GGNBP2: variants seen among roughly 807,000 people sequenced by gnomAD.
GGNBP2 encodes the protein gametogenetin binding protein 2.
A neutral mutation model predicts 85.9 loss-of-function variants in GGNBP2; 10 were observed. The ratio of observed to expected loss-of-function variants is 0.12; its 90% CI spans 0.07 to 0.20. The LOEUF is 0.20. Ranked by LOEUF, GGNBP2 falls within the 10% of genes least tolerant of loss-of-function variation. GGNBP2 has a pLI of 1.00. For missense variants in GGNBP2, 595 were observed against 857.8 expected (o/e 0.69, Z 3.83); for synonymous variants, 287 against 285.7 (o/e 1.00, Z -0.05).
intron 5 of GGNBP2, among the ~76,000 whole-genome samples, chr17:36,567,213 A>G (rs373348332): frequency 2.6e-5 from 4 of 152,058 alleles, no homozygotes; most frequent in African/African-American, 7.2e-5. Context: ...ATAACTACAG[A>G]TGTTGTTAAA....
At chr17:36,566,785 A>G (rs1408477037) in intron 5 of GGNBP2, among the ~76,000 whole-genome samples, 1 of 152,202 alleles carries the variant, frequency 6.6e-6, no homozygotes, top group African/African-American at 2.4e-5. Flanking sequence ...CACTGTAATT[A>G]ATCTATGACC....
intron 4 of GGNBP2, among the ~76,000 whole-genome samples, 156 bp from the exon 5 acceptor site, chr17:36,560,617 G>A (rs545824655): frequency 6.6e-6 from 1 of 151,906 alleles, no homozygotes; most frequent in African/African-American, 2.4e-5. Flanking sequence ...TTGAAATAAC[G>A]TGAGTGCCAG....
In GGNBP2 at chr17:36,581,543, T is replaced by C. The variant is rs1303098906; in HGVS notation, c.1215+5T>C. The C allele has an allele frequency of 3.8e-6, 6 of 1,587,626 alleles. No homozygotes were observed. The highest frequency in any genetic ancestry group is 5.2e-6 in the Non-Finnish European group (6 of 1,159,888). Reference sequence around the variant, plus strand: ...AAGGAAGTAAGCCAAGAGAAGGTAATATTTCTTAATATCAACTCTTAAGTG... The same window carrying C: ...AAGGAAGTAAGCCAAGAGAAGGTAACATTTCTTAATATCAACTCTTAAGTG... On this transcript the variant is annotated splice_donor_5th_base_variant and intron_variant, in intron 9 of 13. Transcript: ENST00000613102.
chr17:36,582,924 CA>C (rs1403753059), intron 9 of GGNBP2, among the ~76,000 whole-genome samples: 6 of 152,010 alleles, frequency 3.9e-5, no homozygotes, highest in African/African-American at 1.5e-4. Flanking sequence ...GCTACTCCTT[CA>C]AAAATAATGT....
intron 5 of GGNBP2, among the ~76,000 whole-genome samples, 173 bp from the exon 6 acceptor site, chr17:36,567,490 T>C (rs2074480039): frequency 6.6e-6 from 1 of 152,286 alleles, no homozygotes; most frequent in South Asian, 2.1e-4. Context: ...TAAGTACAGA[T>C]GAGAAATAGT....
At chr17:36,554,673 G>A (rs2074344540) in intron 2 of GGNBP2, 147 bp from the exon 3 acceptor site, 2 of 641,334 alleles carry the variant, frequency 3.1e-6, no homozygotes, top group Admixed American at 5.1e-5. Flanking sequence ...ACCGCACCAG[G>A]CCATGTACTT....
At chr17:36,565,904 A>G (rs1029342802) in intron 5 of GGNBP2, among the ~76,000 whole-genome samples, 13 of 152,190 alleles carry the variant, frequency 8.5e-5, no homozygotes, top group Non-Finnish European at 1.9e-4. Flanking sequence ...TCAAAAAGGA[A>G]ATATCAGAGT....
rs1316788313 is a variant in GGNBP2, at chr17:36,589,397, GC to G, written c.2081del (p.Ala694ValfsTer6). Reference sequence around the variant, plus strand: ...CATTTGTAGTGGCTGGTTGACAACGGCTGGAGCAAATTAAATAAATAAAATA... The same window carrying G: ...CATTTGTAGTGGCTGGTTGACAACGGTGGAGCAAATTAAATAAATAAAATA... ...RPICSGWLTTAGAN is the reference protein window; with the variant it reads ...RPICSGWLTTXGAN On this transcript the variant is annotated frameshift_variant, in exon 14 of 14. Transcript: ENST00000613102. LOFTEE classifies it high-confidence loss of function. 2 of 1,611,830 alleles carry G rather than the reference GC, an allele frequency of 1.2e-6. No homozygotes were observed. Among genetic ancestry groups the G allele is most frequent in the Admixed American group, 1.7e-5 (1 of 59,962 alleles).
chr17:36,589,489 T>TA lies in GGNBP2; in HGVS notation c.*79dup. On this transcript the variant is annotated 3_prime_UTR_variant, in exon 14 of 14. Transcript: ENST00000613102. Reference sequence around the variant, plus strand: ...CTTCTCTTTCGAAAAACTCTTAATTTAGTGACTTATGGCAAAATTTTATCT... The same window carrying TA: ...CTTCTCTTTCGAAAAACTCTTAATTTAAGTGACTTATGGCAAAATTTTATCT... 8.5e-7 allele frequency: 1 copy of TA among 1,177,452 alleles called. No homozygotes were observed. Among genetic ancestry groups the TA allele is most frequent in the Non-Finnish European group, 1.2e-6 (1 of 813,688 alleles). 72.9% of individuals were successfully genotyped at this position (1,177,452 alleles called of 1,614,324 possible).
intron 6 of GGNBP2, among the ~76,000 whole-genome samples, chr17:36,572,942 T>C (rs1389188387): frequency 3.3e-5 from 5 of 152,130 alleles, no homozygotes; most frequent in African/African-American, 1.2e-4. Flanking sequence ...TGAATTTTTG[T>C]GATTGGCTTA....
rs749848184 is a variant in GGNBP2 at position 36,586,136 on chromosome 17, G to A, written c.1579G>A (p.Asp527Asn). 1.2e-5 allele frequency: 20 copies of A among 1,613,772 alleles called. No homozygotes were observed. Among genetic ancestry groups the A allele is most frequent in the Non-Finnish European group, 1.6e-5 (19 of 1,179,932 alleles). ...ATGTTGGGCAAATTCTGAAGAGAACGACACAAAAGGAAAAAATAAAAAGAA... is the reference window on the plus strand; with the variant it reads ...ATGTTGGGCAAATTCTGAAGAGAACAACACAAAAGGAAAAAATAAAAAGAA... ...VECWANSEEN[D>N]TKGKNKKKKK... Residue 527 changes from aspartate to asparagine, a missense_variant, in exon 12 of 14, where the codon GAC (aspartate) becomes AAC (asparagine). Coordinates refer to ENST00000613102, the MANE Select transcript of GGNBP2 (RefSeq NM_024835.5).
At chr17:36,584,951 T>C (rs2074685741) in intron 9 of GGNBP2, among the ~76,000 whole-genome samples, 1 of 105,278 alleles carries the variant, frequency 9.5e-6, no homozygotes, top group East Asian at 2.6e-4. Context: ...GAGACCGTAC[T>C]CAAAAAAAAA....
intron 13 of GGNBP2, among the ~76,000 whole-genome samples, chr17:36,588,587 AGTTTT>A (rs2074726616): frequency 6.6e-6 from 1 of 151,036 alleles, no homozygotes; most frequent in African/African-American, 2.4e-5. Flanking sequence ...TGTAAAGTTT[AGTTTT>A]AATATTTATT....
chr17:36,576,575 AAAAAAAAAAAT>A (rs1567830220), intron 6 of GGNBP2: 1 of 28,828 alleles, frequency 3.5e-5, no homozygotes, highest in Non-Finnish European at 8.0e-5. Context: ...AAAAAAAAAA[AAAAAAAAAAAT>A]ATATATATAT....
At chr17:36,546,145 A>G (rs2074252361) in intron 2 of GGNBP2, 2 of 421,044 alleles carry the variant, frequency 4.8e-6, no homozygotes, top group Admixed American at 8.1e-5. Flanking sequence ...TTGGGCGTTT[A>G]GGGCCTACCC....
chr17:36,562,733 G>T (rs553977518), intron 5 of GGNBP2, among the ~76,000 whole-genome samples: 10 of 148,408 alleles, frequency 6.7e-5, no homozygotes, highest in Admixed American at 1.3e-4. Flanking sequence ...TTTGGAGGCC[G>T]AGACGAGCAG....
intron 2 of GGNBP2, among the ~76,000 whole-genome samples, chr17:36,550,369 G>T (rs2074297490): frequency 6.6e-6 from 1 of 151,888 alleles, no homozygotes; most frequent in Non-Finnish European, 1.5e-5. Flanking sequence ...CATTAATCTG[G>T]TAAGAGTTCT....
At chr17:36,579,192 A>C (rs2074620309) in intron 7 of GGNBP2, 53 bp from the exon 8 acceptor site, 4 of 1,500,552 alleles carry the variant, frequency 2.7e-6, no homozygotes, top group Non-Finnish European at 3.7e-6. Context: ...TGTGTTATCC[A>C]TCTTTTACTG....
In GGNBP2 at chr17:36,580,033, C is replaced by CA. The variant is rs893221817; in HGVS notation, c.1020+618dup. Among the ~76,000 whole-genome samples the CA allele has an allele frequency of 1.4e-4, 21 of 151,442 alleles. 1 individual carries two copies. The East Asian group carries it at 3.7e-3, about 27-fold the overall frequency. Reference sequence around the variant, plus strand: ...CTCAAAACAAAAACAAAAACAAAAACAAAACAAAAAAAACACACATAACTA... The same window carrying CA: ...CTCAAAACAAAAACAAAAACAAAAACAAAAACAAAAAAAACACACATAACTA... On this transcript the variant is annotated intron_variant, in intron 8 of 13. Coordinates refer to ENST00000613102, the MANE Select transcript of GGNBP2 (RefSeq NM_024835.5).
Sources: allele counts gnomAD v4.1 joint callset (sites outside exome capture counted in the v4.1 genomes callset), GRCh38; gene constraint gnomAD v4.1.1; transcripts MANE v1.5; gene names NCBI Gene and HGNC (gene_info 2026-07-23, HGNC 2026-07-21).